The following AFF1 variants were observed in gnomAD, a reference collection of about 807,000 sequenced individuals.
The protein encoded by AFF1 is ALF transcription elongation factor 1.
AFF1 carries 48 observed loss-of-function variants against 121.7 expected under a neutral mutation model. The observed-to-expected ratio is 0.39, with a 90% confidence interval of 0.31 to 0.50. The LOEUF is 0.50. Among genes scored for constraint, AFF1 ranks in the 20% least tolerant of loss-of-function variants. The pLI, the probability that AFF1 is intolerant of heterozygous loss-of-function variation, is 0.76. For missense variants in AFF1, 1,523 were observed against 1,511.7 expected (o/e 1.01, Z -0.12); for synonymous variants, 613 against 563.0 (o/e 1.09, Z -1.26).
At chr4:87,135,517 A>G (rs1729225546) in intron 20 of AFF1, 63 bp from the exon 21 acceptor site, 1 of 1,446,266 alleles carries the variant, frequency 6.9e-7, no homozygotes, top group Admixed American at 2.7e-5. Flanking sequence ...TTTTGTTTCC[A>G]TTTTAATTTT....
At chr4:86,998,660 G>T (rs1725438898) in intron 2 of AFF1, among the ~76,000 whole-genome samples, 1 of 151,218 alleles carries the variant, frequency 6.6e-6, no homozygotes, top group African/African-American at 2.4e-5. Flanking sequence ...ATTGTATTTT[G>T]TACCTGCTTT....
chr4:87,114,604 A>T lies in AFF1; in HGVS notation c.1771A>T (p.Ser591Cys). The T allele has an allele frequency of 9.5e-7, 1 of 1,057,546 alleles. No individual in the cohort carries two copies. The highest frequency in any genetic ancestry group is 1.3e-6 in the Non-Finnish European group (1 of 754,296). 65.5% of individuals were successfully genotyped at this position (1,057,546 alleles called of 1,614,324 possible). ...CGAAGCCCCCCACCCCGGAAAGAGG[A>T]GCTGTCAGAAGTCTCCGGCACAGCA... ...PPEAPHPGKR[S>C]CQKSPAQQEP... The change falls in exon 12 of 21, where the codon AGC becomes TGC. Residue 591 changes from serine (S) to cysteine (C), a missense_variant. By Grantham distance (112) the Ser-to-Cys change is moderately radical. This residue lies in a region of AFF1 where 905 missense variants were observed against 842.5 expected (regional missense o/e 1.07). Coordinates refer to ENST00000395146, the MANE Select transcript of AFF1 (RefSeq NM_001166693.3).
At chr4:87,065,449 A>C (rs236679) in intron 4 of AFF1, among the ~76,000 whole-genome samples, 59,284 of 151,544 alleles carry the variant, frequency 0.39, 11,827 homozygotes, top group Middle Eastern at 0.42. Flanking sequence ...AGGAAGAAAT[A>C]TAAACCAGCA....
At chr4:87,028,139 A>T (rs1728713595) in intron 2 of AFF1, among the ~76,000 whole-genome samples, 1 of 152,152 alleles carries the variant, frequency 6.6e-6, no homozygotes, top group African/African-American at 2.4e-5. Context: ...ATAAAGGGAT[A>T]CCCAGTCTGT....
rs1729547066 is a variant in AFF1 at position 87,139,426 on chromosome 4, A to G, written c.*3725A>G. ...CCACAGATTCTTTATTTTCCCAAAC[A>G]CTACAAAAAAACTTTTAAAACTTTG... On this transcript the variant is annotated 3_prime_UTR_variant, in exon 21 of 21. Transcript: ENST00000395146. 1 of 232,930 alleles carries G rather than the reference A, an allele frequency of 4.3e-6. No homozygotes were observed. The highest frequency in any genetic ancestry group is 8.5e-6 in the Non-Finnish European group (1 of 117,676). The allele number at this position is 232,930 out of a possible 1,614,324, so 14.4% of individuals were successfully genotyped here. A position where few individuals can be genotyped will look rare whatever the true frequency, so the allele number is the denominator to read the frequency against.
intron 2 of AFF1, among the ~76,000 whole-genome samples, chr4:86,995,138 TAGG>T (rs1206300262): frequency 2.4e-4 from 36 of 152,170 alleles, no homozygotes; most frequent in Admixed American, 2.1e-3. Flanking sequence ...GAGGCTGAGG[TAGG>T]AGGATTGCTT....
At chr4:87,124,699 C>A (rs1408640728) in intron 12 of AFF1, among the ~76,000 whole-genome samples, 7 of 152,172 alleles carry the variant, frequency 4.6e-5, no homozygotes, top group Admixed American at 4.6e-4. Flanking sequence ...TTTGTGGATT[C>A]TTTTCTATTT....
At chr4:87,042,011 A>G (rs934968073) in intron 2 of AFF1, among the ~76,000 whole-genome samples, 26 of 110,716 alleles carry the variant, frequency 2.3e-4, no homozygotes, top group East Asian at 5.7e-4. Flanking sequence ...CTCCATCTGG[A>G]AAAAAAAAAA....
chr4:86,980,328 G>A (rs1188666724), intron 2 of AFF1, among the ~76,000 whole-genome samples: 1 of 152,152 alleles, frequency 6.6e-6, no homozygotes, highest in African/African-American at 2.4e-5. Context: ...TCAATAAAGA[G>A]TTGGCTTAAA....
At chr4:87,132,775 C>G (rs1728950876) in intron 19 of AFF1, among the ~76,000 whole-genome samples, 1 of 152,224 alleles carries the variant, frequency 6.6e-6, no homozygotes, top group African/African-American at 2.4e-5. Flanking sequence ...ACTGCAACCT[C>G]CACCTCCCAG....
chr4:87,108,548 G>A (rs1459840758), intron 11 of AFF1, among the ~76,000 whole-genome samples: 2 of 152,168 alleles, frequency 1.3e-5, no homozygotes, highest in Admixed American at 6.5e-5. Context: ...TGTTGAAAAT[G>A]ATAGGTCTTC....
chr4:86,985,754 T>G (rs1283289176), intron 2 of AFF1, among the ~76,000 whole-genome samples: 4 of 151,954 alleles, frequency 2.6e-5, no homozygotes, highest in Admixed American at 6.6e-5. Context: ...GGCAGGGAAC[T>G]AACTCATAAT....
At chr4:87,109,021 A>T (rs1176944347) in intron 11 of AFF1, among the ~76,000 whole-genome samples, 1 of 152,226 alleles carries the variant, frequency 6.6e-6, no homozygotes, top group Admixed American at 6.5e-5. Flanking sequence ...TGTTAGTAAC[A>T]TCTAACAGGG....
intron 16 of AFF1, among the ~76,000 whole-genome samples, chr4:87,129,706 G>A (rs1728627448): frequency 6.6e-6 from 1 of 152,148 alleles, no homozygotes; most frequent in Non-Finnish European, 1.5e-5. Context: ...AAAAATGTTA[G>A]AATAATTGAA....
At chr4:86,937,045 ACTTTT>A (rs1720060682) in intron 1 of AFF1, among the ~76,000 whole-genome samples, 1 of 152,140 alleles carries the variant, frequency 6.6e-6, no homozygotes, top group South Asian at 2.1e-4. Context: ...GATATTGGAG[ACTTTT>A]CTTTTTTCAA....
At chr4:87,022,912 T>A (rs1158218726) in intron 2 of AFF1, among the ~76,000 whole-genome samples, 5 of 151,984 alleles carry the variant, frequency 3.3e-5, no homozygotes, top group Middle Eastern at 3.4e-3. Flanking sequence ...ATTTTTAATT[T>A]ATTTATTTAA....
At chr4:87,055,389 A>G (rs1396616584) in intron 4 of AFF1, among the ~76,000 whole-genome samples, 1 of 152,126 alleles carries the variant, frequency 6.6e-6, no homozygotes, top group Admixed American at 6.5e-5. Flanking sequence ...AGTTGTTTTT[A>G]CTTTGTGCAT....
intron 16 of AFF1, among the ~76,000 whole-genome samples, chr4:87,128,778 C>T (rs1011028087): frequency 1.3e-5 from 2 of 152,220 alleles, no homozygotes; most frequent in African/African-American, 4.8e-5. Flanking sequence ...AAAGACAAGC[C>T]TCTCTAGCCC....
At chr4:87,089,358 TCTTTC>T (rs894007603) in intron 5 of AFF1, among the ~76,000 whole-genome samples, 2 of 152,208 alleles carry the variant, frequency 1.3e-5, no homozygotes, top group Non-Finnish European at 2.9e-5. Context: ...GTTTTAGAAA[TCTTTC>T]CTTCAACTGA....
Sources: allele counts gnomAD v4.1 joint callset (sites outside exome capture counted in the v4.1 genomes callset), GRCh38; gene constraint gnomAD v4.1.1; regional missense constraint gnomAD v4.1.1; transcripts MANE v1.5; gene names NCBI Gene and HGNC (gene_info 2026-07-23, HGNC 2026-07-21).